ANO7: variants seen among roughly 807,000 people sequenced by gnomAD.
ANO7 encodes the protein anoctamin 7.
Under a neutral mutation model 115.8 loss-of-function variants are expected in ANO7, and 114 were observed. The ratio of observed to expected loss-of-function variants is 0.98; its 90% CI spans 0.85 to 1.15. ANO7 has a LOEUF of 1.15. ANO7 is among the 50% of genes most tolerant of loss of function. The pLI is 0.00. For missense variants in ANO7, 1,302 were observed against 1,201.2 expected (o/e 1.08, Z -1.24); for synonymous variants, 550 against 498.2 (o/e 1.10, Z -1.38).
chr2:241,205,657 C>T (rs1232896371), intron 10 of ANO7, among the ~76,000 whole-genome samples: 145 of 115,546 alleles, frequency 1.3e-3, no homozygotes, highest in African/African-American at 4.0e-3. Context: ...TGCTCCCAGC[C>T]TGACACAGGT....
At chr2:241,217,523 G>T (rs1304674799) in intron 19 of ANO7, 163 bp from the exon 20 acceptor site, 2 of 787,488 alleles carry the variant, frequency 2.5e-6, no homozygotes, top group Non-Finnish European at 3.9e-6. Context: ...AGGCGGCCCT[G>T]GCGCTGCGCG....
chr2:241,209,011 T>C (rs990557875), intron 11 of ANO7, among the ~76,000 whole-genome samples: 5 of 152,070 alleles, frequency 3.3e-5, no homozygotes, highest in South Asian at 2.1e-4. Flanking sequence ...TAGCCGGGCG[T>C]GGTGGCGGGC....
the ANO7 span, chr2:241,231,247 G>A: frequency 1.1e-5 from 3 of 270,780 alleles, no homozygotes; most frequent in East Asian, 2.6e-4. Flanking sequence ...AGCCGGGCGT[G>A]GTGGTGCACG....
At chr2:241,235,186 A>C in the ANO7 span, 1 of 1,614,136 alleles carries the variant, frequency 6.2e-7, no homozygotes, top group Middle Eastern at 1.7e-4. Context: ...GCCCGGTCCA[A>C]ATTTGCAGCG....
chr2:241,189,471 G>A (rs571948018), intron 1 of ANO7, among the ~76,000 whole-genome samples: 7 of 152,218 alleles, frequency 4.6e-5, no homozygotes, highest in East Asian at 1.9e-4. Context: ...TAGGAGCCAC[G>A]GCACCTGTCC....
Position 241,191,227 on chromosome 2 carries a change from G to A in ANO7, c.142G>A (p.Gly48Arg). 1.2e-6 allele frequency: 2 copies of A among 1,613,872 alleles called. No individual in the cohort carries two copies. Among genetic ancestry groups the A allele is most frequent in the Non-Finnish European group, 1.7e-6 (2 of 1,179,974 alleles). ...ACAGCAAGCGGCCGCCTGCAGAGCT[G>A]GGAGTCCTGCCAAGCCCCGGATCGG... The part of the protein sequence containing the change: ...GGQQAAACRA[G>R]SPAKPRIADF... Residue 48 changes from glycine to arginine, a missense_variant, in exon 3 of 25, where the codon GGG (glycine) becomes AGG (arginine). Gly to Arg is a moderately radical substitution (Grantham distance 125). Transcript: ENST00000674324.
rs191009802 is a variant in ANO7, at chr2:241,213,892, A to T, written c.1729-913A>T. Among the ~76,000 whole-genome samples the T allele has an allele frequency of 1.8e-4, 28 of 152,290 alleles. No homozygotes were observed. In the East Asian group the frequency reaches 5.4e-3, roughly 29 times the overall value. Reference sequence around the variant, plus strand: ...TGAGAGGGGAAAGGGAAGGCTGGGGATGGAGTGGGGAGTGTGGCTGCGGGT... The same window carrying T: ...TGAGAGGGGAAAGGGAAGGCTGGGGTTGGAGTGGGGAGTGTGGCTGCGGGT... On this transcript the variant is annotated intron_variant, in intron 17 of 24. Coordinates refer to ENST00000674324, the MANE Select transcript of ANO7 (RefSeq NM_001370694.2).
intron 6 of ANO7, 118 bp downstream of exon 6, chr2:241,200,343 A>T: frequency 7.4e-7 from 1 of 1,360,298 alleles, no homozygotes; most frequent in Non-Finnish European, 9.9e-7. Flanking sequence ...TTCGGCAGGG[A>T]ATCTGAGGCC....
chr2:241,231,600 G>A, the ANO7 span, among the ~76,000 whole-genome samples: 1 of 152,086 alleles, frequency 6.6e-6, no homozygotes, highest in African/African-American at 2.4e-5. Flanking sequence ...CTGCTTCTTT[G>A]CCCACGTGGG....
the ANO7 span, chr2:241,236,910 T>C: frequency 1.3e-6 from 1 of 746,300 alleles, no homozygotes; most frequent in South Asian, 1.7e-5. Flanking sequence ...CTTCAGGAGG[T>C]CTTGGTCTGG....
chr2:241,235,691 C>A, the ANO7 span: 2 of 787,122 alleles, frequency 2.5e-6, no homozygotes, highest in East Asian at 2.5e-5. Context: ...AGGCAAACAG[C>A]CCTATGACAA....
downstream of ANO7, chr2:241,229,478 T>C (rs1574819015): frequency 1.4e-6 from 1 of 736,004 alleles, no homozygotes; most frequent in Non-Finnish European, 2.3e-6. Context: ...CTGCGGGACC[T>C]CGGGAAGGGG....
At position 241,195,747 on chromosome 2, in the gene ANO7, C is replaced by A. The variant is rs781017258; in HGVS notation, c.211C>A (p.Gln71Lys). ...GGAGGAGGACCTGAAGCTAGACAGGCAGCAGGACAGTGCCGCCCGGGACAG... is the reference window on the plus strand; with the variant it reads ...GGAGGAGGACCTGAAGCTAGACAGGAAGCAGGACAGTGCCGCCCGGGACAG... ...VWEEDLKLDR[Q>K]QDSAARDRTD... is the part of the protein sequence containing the mutation. The change falls in exon 4 of 25, where the codon CAG (glutamine) becomes AAG (lysine). Residue 71 changes from glutamine (Q) to lysine (K), a missense_variant. Coordinates refer to ENST00000674324, the MANE Select transcript of ANO7 (RefSeq NM_001370694.2). The A allele has an allele frequency of 3.7e-6, 6 of 1,614,122 alleles. No individual in the cohort carries two copies. Among genetic ancestry groups the A allele is most frequent in the Admixed American group, 1.7e-5 (1 of 60,006 alleles).
chr2:241,236,349 C>G, the ANO7 span: 3 of 510,636 alleles, frequency 5.9e-6, no homozygotes, highest in East Asian at 1.0e-4. Flanking sequence ...GCCCCCGCAC[C>G]CACCGTGGGC....
chr2:241,200,043 T>G, intron 5 of ANO7, 46 bp from the exon 6 acceptor site: 1 of 1,600,256 alleles, frequency 6.2e-7, no homozygotes, highest in Non-Finnish European at 8.5e-7. Context: ...CTGGGGCATT[T>G]GCCCTCCTCC....
At chr2:241,234,348 A>T in the ANO7 span, among the ~76,000 whole-genome samples, 46 of 152,216 alleles carry the variant, frequency 3.0e-4, 1 homozygote, top group Non-Finnish European at 5.9e-5. Flanking sequence ...ACTGGGGCAG[A>T]TGCAGACCAA....
chr2:241,209,139 A>G (rs2068659935), intron 11 of ANO7, 146 bp from the exon 12 acceptor site: 5 of 1,033,478 alleles, frequency 4.8e-6, no homozygotes, highest in Non-Finnish European at 6.8e-6. Flanking sequence ...ACAGAGCCAG[A>G]CTCCGTCTCA....
Position 241,209,378 on chromosome 2 carries a change from A to T in ANO7, c.1171A>T (p.Ser391Cys). The change falls in exon 12 of 25, where the codon AGC (serine) becomes TGC (cysteine). Residue 391 changes from serine (S) to cysteine (C), a missense_variant. Coordinates refer to ENST00000674324, the MANE Select transcript of ANO7 (RefSeq NM_001370694.2). ...VLLLEYWKRK[S>C]ATLAYRWDCS... is the part of the protein sequence containing the mutation. ...GCTGCTGGAGTACTGGAAGCGGAAG[A>T]GCGCCACGCTGGCCTACCGCTGGGA... The T allele has an allele frequency of 6.3e-7, 1 of 1,582,702 alleles. No individual in the cohort carries two copies. The highest frequency in any genetic ancestry group is 1.1e-5 in the South Asian group (1 of 86,966).
the ANO7 span, among the ~76,000 whole-genome samples, chr2:241,235,784 G>A: frequency 6.6e-5 from 10 of 152,218 alleles, no homozygotes; most frequent in Non-Finnish European, 2.9e-5. Flanking sequence ...TTAGGCTAAT[G>A]CTGGCAGACA....
Sources: allele counts gnomAD v4.1 joint callset (sites outside exome capture counted in the v4.1 genomes callset), GRCh38; gene constraint gnomAD v4.1.1; transcripts MANE v1.5; gene names NCBI Gene and HGNC (gene_info 2026-07-23, HGNC 2026-07-21).